The following SMU1 variants were observed in gnomAD, a reference collection of about 807,000 sequenced individuals.
SMU1 encodes WD40 repeat-containing protein SMU1.
A neutral mutation model predicts 62.0 loss-of-function variants in SMU1; 2 were observed. The ratio of observed to expected loss-of-function variants is 0.03; its 90% confidence interval spans 0.01 to 0.10. The LOEUF (loss-of-function observed/expected upper bound fraction) is 0.10, where lower values mean the gene tolerates loss of function less well. SMU1 is among the 10% of genes least tolerant of loss of function. The probability of loss-of-function intolerance (pLI) is 1.00; values close to 1 mark genes in which losing one functional copy is unlikely to be tolerated. For synonymous variants in SMU1, 188 were observed against 212.4 expected (o/e 0.89, Z 1.00); for missense variants, 227 against 622.1 (o/e 0.36, Z 6.76).
chr9:33,048,483 T>A (rs977167977), intron 10 of SMU1, among the ~76,000 whole-genome samples: 1 of 152,206 alleles, frequency 6.6e-6, no homozygotes, highest in Non-Finnish European at 1.5e-5. Flanking sequence ...TTAGAATTCA[T>A]ACATCCCACG....
At chr9:33,068,471 T>C (rs1485907524) in intron 4 of SMU1, among the ~76,000 whole-genome samples, 2 of 152,160 alleles carry the variant, frequency 1.3e-5, no homozygotes, top group Non-Finnish European at 2.9e-5. Context: ...AGTTTATACA[T>C]AGGAAATTAG....
chr9:33,055,325 C>T (rs370160773), intron 9 of SMU1, among the ~76,000 whole-genome samples: 21 of 152,208 alleles, frequency 1.4e-4, no homozygotes, highest in East Asian at 9.6e-4. Flanking sequence ...TACAGGTATA[C>T]GCCACCACCC....
chr9:33,073,080 G>A (rs1839505545), intron 2 of SMU1, among the ~76,000 whole-genome samples: 1 of 152,098 alleles, frequency 6.6e-6, no homozygotes, highest in Non-Finnish European at 1.5e-5. Context: ...AGGATAGGTA[G>A]GAGCTAGTTA....
intron 5 of SMU1, among the ~76,000 whole-genome samples, chr9:33,061,243 G>A (rs1317061481): frequency 6.6e-6 from 1 of 152,130 alleles, no homozygotes; most frequent in Non-Finnish European, 1.5e-5. Context: ...CACCTTAAAT[G>A]CCAAAAAAGG....
rs1564018032 is a variant in SMU1, at chr9:33,045,081, G to A, written c.*2212C>T. 6.6e-6 allele frequency: 1 copy of A among 152,166 alleles called. No individual in the cohort carries two copies. The highest frequency in any genetic ancestry group is 1.5e-5 in the Non-Finnish European group (1 of 68,036). 9.4% of individuals were successfully genotyped at this position (152,166 alleles called of 1,614,324 possible). On this transcript the variant is annotated 3_prime_UTR_variant, in exon 12 of 12. Transcript: ENST00000397149. The stretch of plus-strand genomic sequence containing the variant: ...TCATCACCTGGTGCCAGCAACAGAA[G>A]TGTTCCCTAAAAATTCCTAGAATAA...
At chr9:33,060,821 A>G (rs931084780) in intron 5 of SMU1, among the ~76,000 whole-genome samples, 3 of 152,304 alleles carry the variant, frequency 2.0e-5, no homozygotes, top group South Asian at 2.1e-4. Flanking sequence ...TGTGAGATTG[A>G]TATTTCCAAA....
At chr9:33,066,047 G>A (rs1839415951) in intron 4 of SMU1, among the ~76,000 whole-genome samples, 2 of 152,192 alleles carry the variant, frequency 1.3e-5, no homozygotes, top group Non-Finnish European at 2.9e-5. Flanking sequence ...CAGCCCAAGA[G>A]AACATTTCTG....
rs1443213271 is a variant in SMU1 at position 33,057,685 on chromosome 9, A to G, written c.780T>C (p.Phe260=). 6.2e-7 allele frequency: 1 copy of G among 1,613,960 alleles called. No individual in the cohort carries two copies. The highest frequency in any genetic ancestry group is 1.3e-5 in the African/African-American group (1 of 75,046). Residue 260 remains phenylalanine, a synonymous_variant, in exon 7 of 12, where the codon TTT becomes TTC. Coordinates refer to ENST00000397149, the MANE Select transcript of SMU1 (RefSeq NM_018225.3). Reference sequence around the variant, plus strand: ...AGAGGACAGCATCATCCATCATCATAAAGTTATCTTGGGCCTGGTACTTAA... The same window carrying G: ...AGAGGACAGCATCATCCATCATCATGAAGTTATCTTGGGCCTGGTACTTAA... ...KDLKYQAQDN[F]MMMDDAVLCM...
chr9:33,073,921 G>A, intron 1 of SMU1, 115 bp from the exon 2 acceptor site: 1 of 1,004,212 alleles, frequency 1.0e-6, no homozygotes, highest in Admixed American at 2.8e-5. Context: ...TTTATCATGT[G>A]AGTAAAATTT....
intron 4 of SMU1, among the ~76,000 whole-genome samples, chr9:33,062,791 G>T (rs1304217471): frequency 1.3e-5 from 2 of 151,774 alleles, no homozygotes; most frequent in African/African-American, 4.8e-5. Flanking sequence ...TCTATTTTGG[G>T]GATATTCCCC....
At chr9:33,062,281 G>A in intron 4 of SMU1, 104 bp from the exon 5 acceptor site, 4 of 1,463,032 alleles carry the variant, frequency 2.7e-6, no homozygotes, top group Non-Finnish European at 2.7e-6. Flanking sequence ...AGAGAAAGCT[G>A]TGAGCCATCT....
intron 9 of SMU1, 21 bp downstream of exon 9, chr9:33,056,092 A>G: frequency 7.5e-6 from 12 of 1,591,144 alleles, no homozygotes; most frequent in Non-Finnish European, 1.0e-5. Context: ...TCCCAAAATA[A>G]ACTGATAGCA....
At chr9:33,049,394 G>T (rs536859474) in intron 10 of SMU1, among the ~76,000 whole-genome samples, 13 of 152,302 alleles carry the variant, frequency 8.5e-5, no homozygotes, top group African/African-American at 3.1e-4. Flanking sequence ...GCAAGAAAAT[G>T]TATCTAGACA....
intron 1 of SMU1, among the ~76,000 whole-genome samples, chr9:33,075,294 G>A (rs1397205226): frequency 2.0e-5 from 3 of 152,112 alleles, no homozygotes; most frequent in African/African-American, 4.8e-5. Flanking sequence ...GGAGAATGGC[G>A]TGAACGTGGG....
At position 33,046,869 on chromosome 9, in the gene SMU1, G is replaced by A. The variant is rs1172428075; in HGVS notation, c.*424C>T. On this transcript the variant is annotated 3_prime_UTR_variant, in exon 12 of 12. Transcript: ENST00000397149. ...AGATCGTGCCGCTGCACTCCAGCCT[G>A]GGCAACAAGCAAAACTCCATCTCAA... The A allele has an allele frequency of 6.5e-6, 1 of 154,104 alleles. No individual in the cohort carries two copies. The highest frequency in any genetic ancestry group is 1.9e-4 in the East Asian group (1 of 5,246). 9.5% of individuals were successfully genotyped at this position (154,104 alleles called of 1,614,324 possible).
chr9:33,060,134 A>G (rs1184014388), intron 6 of SMU1, among the ~76,000 whole-genome samples: 1 of 152,126 alleles, frequency 6.6e-6, no homozygotes, highest in East Asian at 1.9e-4. Context: ...TCAGCCTCCC[A>G]GGCAGCTAAA....
chr9:33,059,003 C>T (rs957049906), intron 6 of SMU1, among the ~76,000 whole-genome samples: 2 of 151,644 alleles, frequency 1.3e-5, no homozygotes, highest in Admixed American at 6.6e-5. Context: ...TTAGTGACTT[C>T]GGTAAAATAA....
intron 1 of SMU1, among the ~76,000 whole-genome samples, chr9:33,076,277 G>A (rs1288637065): frequency 1.3e-5 from 2 of 152,222 alleles, no homozygotes; most frequent in African/African-American, 4.8e-5. Context: ...CTGGAGTCCA[G>A]AGTGGATCCT....
chr9:33,075,946 G>A (rs1004090071), intron 1 of SMU1, among the ~76,000 whole-genome samples: 1 of 152,156 alleles, frequency 6.6e-6, no homozygotes, highest in Admixed American at 6.5e-5. Context: ...TCTCTCCCCA[G>A]ACAACCCAAA....
Sources: allele counts gnomAD v4.1 joint callset (sites outside exome capture counted in the v4.1 genomes callset), GRCh38; gene constraint gnomAD v4.1.1; transcripts MANE v1.5; gene names NCBI Gene and HGNC (gene_info 2026-07-23, HGNC 2026-07-21).